SPAG1: variants seen among roughly 807,000 people sequenced by gnomAD.
SPAG1 encodes sperm associated antigen 1, also known as sperm-associated antigen 1.
In SPAG1, 69 loss-of-function variants were observed where a neutral mutation model predicts 100.5. The ratio of observed to expected loss-of-function variants is 0.69; its 90% confidence interval spans 0.57 to 0.84. SPAG1 has a LOEUF of 0.84. Among genes scored for constraint, SPAG1 ranks in the 40% least tolerant of loss-of-function variants. The pLI, the probability that SPAG1 is intolerant of heterozygous loss-of-function variation, is 0.00. For missense variants in SPAG1, 955 were observed against 1,133.1 expected, an observed-to-expected ratio of 0.84 and a Z score of 2.26; for synonymous variants, 336 against 411.6, an observed-to-expected ratio of 0.82 and a Z score of 2.22.
At chr8:100,200,906 A>G (rs917102859) in intron 10 of SPAG1, among the ~76,000 whole-genome samples, 14 of 151,246 alleles carry the variant, frequency 9.3e-5, no homozygotes, top group African/African-American at 3.2e-4. Context: ...TTGCCTGTTC[A>G]CTCTGTTGGT....
At position 100,231,239 on chromosome 8, in the gene SPAG1, AGCG is replaced by A; in HGVS notation, c.1940_1942del (p.Ser647_Glu648delinsLys). 3.1e-6 allele frequency: 5 copies of A among 1,605,972 alleles called. No individual in the cohort carries two copies. Among genetic ancestry groups the A allele is most frequent in the Non-Finnish European group, 4.3e-6 (5 of 1,174,348 alleles). ...CTATAAAGACGCCCTCAGTAAATAC[AGCG>A]AATGCTTAAAGATTAACAATAAGGA... On this transcript the variant is annotated inframe_deletion, in exon 15 of 19. Coordinates refer to ENST00000388798, the MANE Select transcript of SPAG1 (RefSeq NM_003114.5).
intron 6 of SPAG1, 47 bp from the exon 7 acceptor site, chr8:100,184,581 T>C (rs1451907603): frequency 2.0e-6 from 2 of 1,005,354 alleles, no homozygotes; most frequent in Non-Finnish European, 2.9e-6. Flanking sequence ...CTTGAAAAAT[T>C]CTGTTAAATT....
rs549487687 is a variant in SPAG1 at position 100,225,118 on chromosome 8, A to G, written c.1689-55A>G. On this transcript the variant is annotated intron_variant, in intron 13 of 18. Transcript: ENST00000388798. ...AAATTTTATTCTTAATCTGACCTTC[A>G]GTAATATAAAAAGCAAACTAAATGA... The G allele has an allele frequency of 2.0e-5, 29 of 1,424,754 alleles. 1 individual carries two copies. In the South Asian group the frequency reaches 3.5e-4, roughly 17 times the overall value. 88.3% of individuals were successfully genotyped at this position (1,424,754 alleles called of 1,614,324 possible). A position where few individuals can be genotyped will look rare whatever the true frequency, so the allele number is the denominator to read the frequency against.
At chr8:100,163,556 T>C (rs1330137580) in intron 2 of SPAG1, among the ~76,000 whole-genome samples, 1 of 152,190 alleles carries the variant, frequency 6.6e-6, no homozygotes, top group African/African-American at 2.4e-5. Flanking sequence ...ACCAGAGTTC[T>C]ATTGCAGAAG....
intron 4 of SPAG1, among the ~76,000 whole-genome samples, chr8:100,179,191 G>A (rs774999940): frequency 1.3e-5 from 2 of 150,526 alleles, no homozygotes; most frequent in East Asian, 3.9e-4. Context: ...AAGACCAGCC[G>A]GGCCAACATG....
At chr8:100,176,382 T>C (rs573887871) in intron 3 of SPAG1, among the ~76,000 whole-genome samples, 116 of 152,130 alleles carry the variant, frequency 7.6e-4, no homozygotes, top group Non-Finnish European at 1.4e-3. Flanking sequence ...TCTTTTTTTT[T>C]TGAGACTGAG....
intron 16 of SPAG1, among the ~76,000 whole-genome samples, chr8:100,235,028 T>C (rs910236532): frequency 1.7e-4 from 26 of 152,188 alleles, no homozygotes; most frequent in African/African-American, 5.8e-4. Context: ...TGTTAGCTGC[T>C]GTGGCTGCTA....
rs781380303 is a variant in SPAG1 at position 100,213,275 on chromosome 8, GCGGGCGGCGGCGCCACCGGGCATC to G, written c.1293_1316del (p.Ala432_Gly439del). The G allele has an allele frequency of 1.9e-5, 23 of 1,214,114 alleles. No individual in the cohort carries two copies. Among genetic ancestry groups the G allele is most frequent in the Middle Eastern group, 3.2e-4 (1 of 3,100 alleles). 75.2% of individuals were successfully genotyped at this position (1,214,114 alleles called of 1,614,324 possible). On this transcript the variant is annotated inframe_deletion, in exon 11 of 19. Transcript: ENST00000388798. Reference sequence around the variant, plus strand: ...ACGGCGGGCCTCTGCGGCGGCGGCGGCGGGCGGCGGCGCCACCGGGCATCCGGGCGGCGGGCAGGGCGCGGAGAA... The same window carrying G: ...ACGGCGGGCCTCTGCGGCGGCGGCGGCGGGCGGCGGGCAGGGCGCGGAGAA...
At chr8:100,235,846 C>CT (rs908694775) in intron 16 of SPAG1, among the ~76,000 whole-genome samples, 8 of 151,058 alleles carry the variant, frequency 5.3e-5, no homozygotes, top group South Asian at 2.1e-4. Flanking sequence ...CGCCGGCCCT[C>CT]TTTTTTTTTG....
chr8:100,222,530 C>T (rs755759637), intron 13 of SPAG1, among the ~76,000 whole-genome samples: 5 of 152,116 alleles, frequency 3.3e-5, no homozygotes, highest in East Asian at 1.9e-4. Context: ...GCCCCATCCT[C>T]GGCTTAGTAG....
At position 100,240,991 on chromosome 8, in the gene SPAG1, T is replaced by C. The variant is rs527455729; in HGVS notation, c.2750T>C (p.Ile917Thr). The change falls in exon 19 of 19, where the codon ATA becomes ACA. Residue 917 changes from isoleucine (I) to threonine (T), a missense_variant. Physicochemically the swap from Ile to Thr is moderately conservative, Grantham distance 89. Transcript: ENST00000388798. ...TPNNHFTLED[I>T]QALKRQYEL The stretch of plus-strand genomic sequence containing the variant: ...AACAACCATTTTACTTTAGAAGATA[T>C]ACAGGCCCTAAAAAGGCAGTATGAG... The C allele has an allele frequency of 1.4e-5, 22 of 1,613,232 alleles. No individual in the cohort carries two copies. The highest frequency in any genetic ancestry group is 1.6e-5 in the Non-Finnish European group (19 of 1,179,664).
At chr8:100,213,517 C>T in intron 11 of SPAG1, 89 bp downstream of exon 11, 1 of 1,050,714 alleles carries the variant, frequency 9.5e-7, no homozygotes, top group Non-Finnish European at 1.2e-6. Flanking sequence ...GCGCTGCCGC[C>T]TCCTGAATGA....
intron 10 of SPAG1, among the ~76,000 whole-genome samples, chr8:100,200,109 A>C (rs575140201): frequency 8.6e-4 from 131 of 152,134 alleles, no homozygotes; most frequent in Middle Eastern, 6.8e-3. Context: ...CTCCAACCCC[A>C]TGACAGGCCC....
intron 10 of SPAG1, among the ~76,000 whole-genome samples, chr8:100,206,926 A>G (rs1449430375): frequency 1.3e-5 from 2 of 152,324 alleles, no homozygotes; most frequent in African/African-American, 2.4e-5. Context: ...ATGACCTAGC[A>G]GATCCAATGG....
intron 11 of SPAG1, 91 bp from the exon 12 acceptor site, chr8:100,213,727 AC>A: frequency 1.3e-6 from 1 of 783,602 alleles, no homozygotes; most frequent in Admixed American, 2.1e-5. Context: ...CTGCAGTGCC[AC>A]CCCACCGGAG....
In SPAG1 at chr8:100,162,278, G is replaced by C. The variant is rs766959977; in HGVS notation, c.-2-1G>C. ...AATAACTTTTAAATATTGTATTTCAGCTATGACCACCAAAGATTATCCATC... is the reference window on the plus strand; with the variant it reads ...AATAACTTTTAAATATTGTATTTCACCTATGACCACCAAAGATTATCCATC... On this transcript the variant is annotated splice_acceptor_variant, in intron 1 of 18. Coordinates refer to ENST00000388798, the MANE Select transcript of SPAG1 (RefSeq NM_003114.5). LOFTEE classifies it low-confidence loss of function (5UTR_SPLICE). 1 of 1,593,262 alleles carries C rather than the reference G, an allele frequency of 6.3e-7. No individual in the cohort carries two copies. The highest frequency in any genetic ancestry group is 1.8e-5 in the Admixed American group (1 of 55,184).
At chr8:100,163,618 C>T (rs897196603) in intron 2 of SPAG1, among the ~76,000 whole-genome samples, 13 of 152,124 alleles carry the variant, frequency 8.5e-5, no homozygotes, top group Non-Finnish European at 1.9e-4. Flanking sequence ...TCCTATTACC[C>T]TGTGGTGGTT....
At chr8:100,205,448 A>G (rs1817465779) in intron 10 of SPAG1, among the ~76,000 whole-genome samples, 2 of 152,160 alleles carry the variant, frequency 1.3e-5, no homozygotes, top group South Asian at 4.1e-4. Context: ...ATGGAGTTTT[A>G]GCTCAGGACT....
intron 15 of SPAG1, among the ~76,000 whole-genome samples, chr8:100,232,341 A>G (rs1818813003): frequency 6.6e-6 from 1 of 151,914 alleles, no homozygotes; most frequent in African/African-American, 2.4e-5. Flanking sequence ...CATAGTTCTG[A>G]GGGTCTAGAT....
Sources: gnomAD v4.1 joint callset for allele counts (sites outside exome capture counted in the v4.1 genomes callset) on GRCh38, gnomAD v4.1.1 for gene constraint, MANE v1.5 for transcripts, NCBI Gene and HGNC (gene_info 2026-07-23, HGNC 2026-07-21) for gene names.